VWA8: variants seen among roughly 807,000 people sequenced by gnomAD.
VWA8 encodes the protein von Willebrand factor A domain containing 8.
A neutral mutation model predicts 241.5 loss-of-function variants in VWA8; 221 were observed. The ratio of observed to expected loss-of-function variants is 0.91; its 90% CI spans 0.82 to 1.02. The LOEUF is 1.02. VWA8 is among the 50% of genes least tolerant of loss of function. VWA8 has a pLI of 0.00. For missense variants in VWA8, 2,322 were observed against 2,328.7 expected (o/e 1.00, Z 0.06); for synonymous variants, 852 against 827.1 (o/e 1.03, Z -0.52).
chr13:41,717,350 G>A (rs1268765533), intron 26 of VWA8, among the ~76,000 whole-genome samples: 1 of 151,420 alleles, frequency 6.6e-6, no homozygotes, highest in Non-Finnish European at 1.5e-5. Context: ...AAATAGATAT[G>A]CTATGTATAA....
intron 14 of VWA8, 43 bp downstream of exon 14, chr13:41,830,481 TTTAAC>T (rs757552259): frequency 6.2e-6 from 9 of 1,443,868 alleles, no homozygotes; most frequent in Non-Finnish European, 8.7e-6. Context: ...AAGTATTATT[TTTAAC>T]TTAACAATAA....
chr13:41,668,330 A>C (rs142183412), intron 37 of VWA8, among the ~76,000 whole-genome samples: 29 of 152,270 alleles, frequency 1.9e-4, no homozygotes, highest in African/African-American at 5.8e-4. Context: ...TGTAAAAAGT[A>C]AGTCCATCTG....
chr13:41,779,714 C>G (rs1478751176), intron 19 of VWA8, among the ~76,000 whole-genome samples: 1 of 152,140 alleles, frequency 6.6e-6, no homozygotes, highest in Non-Finnish European at 1.5e-5. Flanking sequence ...CTAAGCTCTT[C>G]CAGTAATAAA....
intron 20 of VWA8, among the ~76,000 whole-genome samples, chr13:41,772,249 C>T (rs1387164282): frequency 2.0e-5 from 3 of 152,030 alleles, no homozygotes; most frequent in African/African-American, 4.8e-5. Context: ...TTCTATAGCC[C>T]CCAATTTTCA....
intron 40 of VWA8, among the ~76,000 whole-genome samples, chr13:41,593,836 G>T (rs942936172): frequency 6.6e-6 from 1 of 152,156 alleles, no homozygotes; most frequent in Non-Finnish European, 1.5e-5. Flanking sequence ...GGTGGCAGTG[G>T]TTAGCAGCCA....
Position 41,693,013 on chromosome 13 carries a change from T to C in VWA8, c.3565-41A>G, listed in dbSNP as rs970070538. ...ACAGTGAAAAGCTCAAGATTTGTTC[T>C]TTTTTTTTTTTTTTTTAAAGCAGCA... On this transcript the variant is annotated intron_variant, in intron 29 of 44. Coordinates refer to ENST00000379310, the MANE Select transcript of VWA8 (RefSeq NM_015058.2). The C allele has an allele frequency of 4.3e-5, 8 of 184,934 alleles. No homozygotes were observed. In the South Asian group the frequency reaches 7.3e-4, roughly 17 times the overall value. 11.5% of individuals were successfully genotyped at this position (184,934 alleles called of 1,614,324 possible).
chr13:41,789,205 T>C (rs550977328), intron 17 of VWA8, among the ~76,000 whole-genome samples: 1 of 152,306 alleles, frequency 6.6e-6, no homozygotes, highest in South Asian at 2.1e-4. Flanking sequence ...ATTTTTTTCC[T>C]GGATTTTAAG....
chr13:41,585,010 T>G (rs2044407375), intron 42 of VWA8, among the ~76,000 whole-genome samples: 1 of 152,110 alleles, frequency 6.6e-6, no homozygotes, highest in Non-Finnish European at 1.5e-5. Flanking sequence ...AGGTAATGTT[T>G]GTAATTTCGC....
chr13:41,760,976 A>T, intron 21 of VWA8, 152 bp downstream of exon 21: 2 of 721,102 alleles, frequency 2.8e-6, no homozygotes, highest in Non-Finnish European at 4.6e-6. Context: ...TGGTTTTATT[A>T]CCTTTAAAGG....
chr13:41,695,619 G>A (rs1039271882), intron 29 of VWA8, among the ~76,000 whole-genome samples: 7 of 152,086 alleles, frequency 4.6e-5, no homozygotes, highest in Non-Finnish European at 8.8e-5. Flanking sequence ...TACTCTCTCC[G>A]GGAAAAGAGA....
intron 7 of VWA8, among the ~76,000 whole-genome samples, 180 bp downstream of exon 7, chr13:41,886,601 T>C (rs530664982): frequency 6.6e-6 from 1 of 152,318 alleles, no homozygotes; most frequent in African/African-American, 2.4e-5. Flanking sequence ...TTCAACTCTA[T>C]TAGATCTTGA....
At chr13:41,929,277 TC>T (rs984769827) in intron 2 of VWA8, among the ~76,000 whole-genome samples, 3 of 151,208 alleles carry the variant, frequency 2.0e-5, no homozygotes, top group African/African-American at 7.3e-5. Context: ...CACCTCAGTC[TC>T]CCAAGTAGCT....
At chr13:41,569,198 G>A (rs754427437) in intron 44 of VWA8, among the ~76,000 whole-genome samples, 3 of 152,228 alleles carry the variant, frequency 2.0e-5, no homozygotes, top group Non-Finnish European at 2.9e-5. Context: ...GCCAGTGGAT[G>A]TTGGACCATT....
At chr13:41,701,857 C>T (rs930578768) in intron 27 of VWA8, among the ~76,000 whole-genome samples, 6 of 152,164 alleles carry the variant, frequency 3.9e-5, no homozygotes, top group Non-Finnish European at 5.9e-5. Flanking sequence ...AGTATCAGGA[C>T]GCAGAGCTGT....
intron 42 of VWA8, among the ~76,000 whole-genome samples, chr13:41,583,500 G>C (rs369585590): frequency 6.6e-6 from 1 of 151,846 alleles, no homozygotes; most frequent in Admixed American, 6.6e-5. Context: ...AAAATTAGCC[G>C]GGCGTGGTGG....
chr13:41,717,937 A>G (rs1212605556), intron 26 of VWA8, among the ~76,000 whole-genome samples: 1 of 152,032 alleles, frequency 6.6e-6, no homozygotes, highest in Non-Finnish European at 1.5e-5. Flanking sequence ...CTTCTACTCA[A>G]AAGTACTAGA....
At chr13:41,728,229 T>G (rs992481210) in intron 23 of VWA8, among the ~76,000 whole-genome samples, 1 of 152,082 alleles carries the variant, frequency 6.6e-6, no homozygotes, top group African/African-American at 2.4e-5. Context: ...TAGTTTTAAC[T>G]GTGATCCCCA....
chr13:41,774,084 A>G (rs1868470189), intron 20 of VWA8, among the ~76,000 whole-genome samples: 1 of 152,140 alleles, frequency 6.6e-6, no homozygotes, highest in African/African-American at 2.4e-5. Flanking sequence ...TAAATTTTAA[A>G]TTCATATTAC....
intron 4 of VWA8, among the ~76,000 whole-genome samples, chr13:41,906,349 T>C (rs1035079983): frequency 1.3e-5 from 2 of 152,180 alleles, no homozygotes; most frequent in Non-Finnish European, 2.9e-5. Flanking sequence ...ACATACTTTA[T>C]GTACACTCTG....
Sources: allele counts gnomAD v4.1 joint callset (sites outside exome capture counted in the v4.1 genomes callset), GRCh38; gene constraint gnomAD v4.1.1; transcripts MANE v1.5; gene names NCBI Gene and HGNC (gene_info 2026-07-23, HGNC 2026-07-21).